TAF2: variants seen among roughly 807,000 people sequenced by gnomAD.
TAF2 encodes transcription initiation factor TFIID subunit 2.
In TAF2, 61 loss-of-function variants were observed where a neutral mutation model predicts 138.5. The ratio of observed to expected loss-of-function variants is 0.44; its 90% CI spans 0.36 to 0.54. The LOEUF is 0.54. Ranked by LOEUF, TAF2 falls within the 20% of genes least tolerant of loss-of-function variation. TAF2 has a pLI of 0.00. For synonymous variants in TAF2, 475 were observed against 469.9 expected (o/e 1.01, Z -0.14); for missense variants, 1,090 against 1,427.9 (o/e 0.76, Z 3.81).
intron 18 of TAF2, among the ~76,000 whole-genome samples, chr8:119,769,727 G>T (rs1431469949): frequency 1.3e-5 from 2 of 150,814 alleles, no homozygotes; most frequent in East Asian, 3.9e-4. Flanking sequence ...TTCAGAGCTT[G>T]AAGACTGGTC....
chr8:119,807,410 A>AT (rs1563909673), intron 3 of TAF2, among the ~76,000 whole-genome samples: 1 of 151,554 alleles, frequency 6.6e-6, no homozygotes, highest in African/African-American at 2.4e-5. Flanking sequence ...ATATACACAT[A>AT]TTACATTTCC....
chr8:119,796,747 C>T (rs1001753647), intron 8 of TAF2, among the ~76,000 whole-genome samples: 5 of 151,912 alleles, frequency 3.3e-5, no homozygotes, highest in Non-Finnish European at 5.9e-5. Flanking sequence ...TCTTTAAATA[C>T]ATATAGAACA....
chr8:119,776,725 T>G (rs1822273192), intron 18 of TAF2, among the ~76,000 whole-genome samples: 1 of 152,116 alleles, frequency 6.6e-6, no homozygotes, highest in Non-Finnish European at 1.5e-5. Flanking sequence ...ATCCTAACAC[T>G]TACTTGTGTC....
intron 22 of TAF2, 44 bp downstream of exon 22, chr8:119,755,962 T>C (rs1263573210): frequency 1.4e-6 from 2 of 1,398,478 alleles, no homozygotes; most frequent in East Asian, 2.3e-5. Flanking sequence ...AAAATCAAAA[T>C]ACTCTAGTAA....
In TAF2 at chr8:119,731,675, C is replaced by CTG. The variant is rs1182494619; in HGVS notation, c.*247_*248dup. ...GGGCTTTTATGAAAGGGAGTTTGCT[C>CTG]TGTGTGTGTGTTTTGGGGAGGAAAC... On this transcript the variant is annotated 3_prime_UTR_variant, in exon 26 of 26. Transcript: ENST00000378164. 1.9e-6 allele frequency: 1 copy of CTG among 519,470 alleles called. No individual in the cohort carries two copies. The highest frequency in any genetic ancestry group is 3.5e-6 in the Non-Finnish European group (1 of 288,164). 32.2% of individuals were successfully genotyped at this position (519,470 alleles called of 1,614,324 possible).
chr8:119,757,955 G>T, intron 21 of TAF2, 118 bp downstream of exon 21: 1 of 862,702 alleles, frequency 1.2e-6, no homozygotes, highest in Non-Finnish European at 1.9e-6. Flanking sequence ...ATGAATAAAT[G>T]CAAAAGATAT....
Position 119,789,755 on chromosome 8 carries a change from A to T in TAF2, c.1414-9T>A, listed in dbSNP as rs957598601. 3 of 1,612,608 alleles carry T rather than the reference A, an allele frequency of 1.9e-6. No homozygotes were observed. The highest frequency in any genetic ancestry group is 2.5e-6 in the Non-Finnish European group (3 of 1,179,366). ...AGCAGTTTATTGAAAACCTGTAAGG[A>T]TAAAATCATTTAGTAAATTCATATA... On this transcript the variant is annotated splice_polypyrimidine_tract_variant and intron_variant, in intron 11 of 25. Coordinates refer to ENST00000378164, the MANE Select transcript of TAF2 (RefSeq NM_003184.4).
Position 119,742,591 on chromosome 8 carries a change from C to T in TAF2, c.3280G>A (p.Asp1094Asn), listed in dbSNP as rs1819669412. ...ALIPQHSAGC[D>N]STPTTKPQWS... The stretch of plus-strand genomic sequence containing the variant: ...TGGGGTTTTGTGGTGGGTGTGCTGT[C>T]ACAGCCTGCTGAGTGCTGGGGTATT... Residue 1094 changes from aspartate (D) to asparagine (N), a missense_variant, in exon 25 of 26, where the codon GAC (aspartate) becomes AAC (asparagine). Around this residue, in one of 3 missense-constraint regions of TAF2, gnomAD observed 580 missense variants for 719.6 expected, o/e 0.81. Coordinates refer to ENST00000378164, the MANE Select transcript of TAF2 (RefSeq NM_003184.4). 1.2e-6 allele frequency: 2 copies of T among 1,613,792 alleles called. No homozygotes were observed. Among genetic ancestry groups the T allele is most frequent in the African/African-American group, 1.3e-5 (1 of 74,874 alleles).
At position 119,746,605 on chromosome 8, in the gene TAF2, G is replaced by A. The variant is rs1422419743; in HGVS notation, c.3108+100C>T. 3 of 1,226,618 alleles carry A rather than the reference G, an allele frequency of 2.4e-6. No individual in the cohort carries two copies. In the East Asian group the frequency reaches 7.0e-5, roughly 29 times the overall value. 76.0% of individuals were successfully genotyped at this position (1,226,618 alleles called of 1,614,324 possible). ...TTTTTAAAAGGACACAAGAAACTGTGTTAGTGGCTATAAAATTCACTAGTT... is the reference window on the plus strand; with the variant it reads ...TTTTTAAAAGGACACAAGAAACTGTATTAGTGGCTATAAAATTCACTAGTT... On this transcript the variant is annotated intron_variant, in intron 23 of 25. Transcript: ENST00000378164.
rs746043061 is a variant in TAF2 at position 119,744,328 on chromosome 8, A to G, written c.3174T>C (p.Ile1058=). The G allele has an allele frequency of 3.7e-6, 6 of 1,613,876 alleles. No homozygotes were observed. Among genetic ancestry groups the G allele is most frequent in the Non-Finnish European group, 5.1e-6 (6 of 1,179,922 alleles). The change falls in exon 24 of 26, where the codon ATT becomes ATC. Residue 1058 remains isoleucine (I), a synonymous_variant. Transcript: ENST00000378164. ...TTTCAAGCATGTTTAAATGATGGGA[A>G]ATGAAGGCCTGGCTATCATGAACAG... ...MDTVHDSQAF[I]SHHLNMLERP...
chr8:119,761,287 C>A (rs944071700), intron 19 of TAF2, among the ~76,000 whole-genome samples: 3 of 152,048 alleles, frequency 2.0e-5, no homozygotes, highest in Non-Finnish European at 4.4e-5. Flanking sequence ...AGCTTTATAG[C>A]CTAAGAGCAA....
intron 18 of TAF2, among the ~76,000 whole-genome samples, chr8:119,776,910 C>G (rs1190871832): frequency 1.3e-5 from 2 of 152,208 alleles, no homozygotes; most frequent in African/African-American, 4.8e-5. Flanking sequence ...GACCCTCTCT[C>G]TATATATGTG....
chr8:119,830,325 C>T (rs1181526115), intron 2 of TAF2, among the ~76,000 whole-genome samples: 1 of 152,102 alleles, frequency 6.6e-6, no homozygotes, highest in Admixed American at 6.6e-5. Flanking sequence ...TAGAAGATAT[C>T]TTACATATAT....
At chr8:119,828,847 G>C (rs1229519228) in intron 2 of TAF2, among the ~76,000 whole-genome samples, 1 of 152,194 alleles carries the variant, frequency 6.6e-6, no homozygotes, top group Admixed American at 6.6e-5. Flanking sequence ...TAAAGGGCCA[G>C]ATAGAAATAT....
chr8:119,776,690 A>C (rs1018393509), intron 18 of TAF2, among the ~76,000 whole-genome samples: 1 of 152,104 alleles, frequency 6.6e-6, no homozygotes, highest in African/African-American at 2.4e-5. Context: ...CTCTGTCTCA[A>C]AAAAAAGTTT....
chr8:119,757,992 A>G lies in TAF2; in HGVS notation c.2768+81T>C, dbSNP rs1013299726. 1.9e-5 allele frequency: 22 copies of G among 1,144,112 alleles called. No homozygotes were observed. In the African/African-American group the frequency reaches 3.0e-4, roughly 16 times the overall value. 70.9% of individuals were successfully genotyped at this position (1,144,112 alleles called of 1,614,324 possible). On this transcript the variant is annotated intron_variant, in intron 21 of 25. Transcript: ENST00000378164. The stretch of plus-strand genomic sequence containing the variant: ...CCCATATTTTCAAAAATCATAAACA[A>G]GCATTTTATGTGTAATCTGAAATTA...
At chr8:119,819,892 GA>G (rs1016388480) in intron 2 of TAF2, among the ~76,000 whole-genome samples, 2 of 150,090 alleles carry the variant, frequency 1.3e-5, no homozygotes, top group Non-Finnish European at 3.0e-5. Context: ...GAACATGGCA[GA>G]AAAAAAAAGG....
At chr8:119,795,989 A>G (rs750516846) in intron 8 of TAF2, among the ~76,000 whole-genome samples, 11 of 152,106 alleles carry the variant, frequency 7.2e-5, no homozygotes, top group Non-Finnish European at 1.0e-4. Context: ...ATACTGTTCA[A>G]TTCTAAAAGT....
chr8:119,800,284 A>G (rs1229669216), intron 6 of TAF2, among the ~76,000 whole-genome samples: 1 of 152,172 alleles, frequency 6.6e-6, no homozygotes, highest in African/African-American at 2.4e-5. Context: ...TAGGTCTAAC[A>G]TTTAAGTCTT....
Sources: allele counts gnomAD v4.1 joint callset (sites outside exome capture counted in the v4.1 genomes callset), GRCh38; gene constraint gnomAD v4.1.1; regional missense constraint gnomAD v4.1.1; transcripts MANE v1.5; gene names NCBI Gene and HGNC (gene_info 2026-07-23, HGNC 2026-07-21).